The following HADH variants were observed in gnomAD, a reference collection of about 807,000 sequenced individuals.
The protein encoded by HADH is hydroxyacyl-CoA dehydrogenase, also known as hydroxyacyl-coenzyme A dehydrogenase, mitochondrial.
In HADH, 24 loss-of-function variants were observed where a neutral mutation model predicts 32.2. The observed-to-expected ratio is 0.75, with a 90% CI of 0.54 to 1.05. The LOEUF (loss-of-function observed/expected upper bound fraction) is 1.05, where lower values mean the gene tolerates loss of function less well. Among genes scored for constraint, HADH ranks in the 50% least tolerant of loss-of-function variants. The probability of loss-of-function intolerance (pLI) is 0.00; values close to 1 mark genes in which losing one functional copy is unlikely to be tolerated. For missense variants in HADH, 350 were observed against 397.1 expected (o/e 0.88, Z 1.01); for synonymous variants, 139 against 152.5 (o/e 0.91, Z 0.65).
chr4:108,009,022 A>T (rs952111998), intron 1 of HADH, among the ~76,000 whole-genome samples: 13 of 152,148 alleles, frequency 8.5e-5, no homozygotes, highest in Non-Finnish European at 1.6e-4. Flanking sequence ...TTACCCTAGG[A>T]TTCCTCCCTC....
intron 1 of HADH, among the ~76,000 whole-genome samples, chr4:107,999,122 T>C (rs1371019525): frequency 1.3e-5 from 2 of 152,242 alleles, no homozygotes; most frequent in Admixed American, 6.5e-5. Flanking sequence ...AGTGAGCTTA[T>C]GTGTCTGTGG....
intron 1 of HADH, among the ~76,000 whole-genome samples, chr4:108,007,129 CAG>C (rs1017690141): frequency 3.9e-5 from 6 of 152,082 alleles, no homozygotes; most frequent in Non-Finnish European, 5.9e-5. Flanking sequence ...GTTTTTGAGA[CAG>C]AGTCTCGCTC....
chr4:108,021,342 T>C (rs920378995), intron 4 of HADH, among the ~76,000 whole-genome samples: 1 of 152,250 alleles, frequency 6.6e-6, no homozygotes, highest in Non-Finnish European at 1.5e-5. Flanking sequence ...GTGTGTTGGT[T>C]GTTAACAGCT....
chr4:108,033,016 T>G lies in HADH; in HGVS notation c.710-160T>G, dbSNP rs1477060030. The G allele has an allele frequency of 1.4e-5, 10 of 706,770 alleles. No individual in the cohort carries two copies. The East Asian group carries it at 2.6e-4, about 18-fold the overall frequency. 43.8% of individuals were successfully genotyped at this position (706,770 alleles called of 1,614,324 possible). ...AAAGTCTTATGACCTCTTTGGCATGTACTTTAGAGAGGAAATCTTACCCAA... is the reference window on the plus strand; with the variant it reads ...AAAGTCTTATGACCTCTTTGGCATGGACTTTAGAGAGGAAATCTTACCCAA... On this transcript the variant is annotated intron_variant, in intron 6 of 7. Transcript: ENST00000309522.
chr4:107,991,035 C>T (rs1734777802), intron 1 of HADH, among the ~76,000 whole-genome samples: 1 of 152,192 alleles, frequency 6.6e-6, no homozygotes, highest in Non-Finnish European at 1.5e-5. Flanking sequence ...GCCACTGCAC[C>T]CAGCCGGAAC....
chr4:107,995,914 G>C (rs115853960), intron 1 of HADH, among the ~76,000 whole-genome samples: 2 of 152,138 alleles, frequency 1.3e-5, no homozygotes, highest in Non-Finnish European at 2.9e-5. Context: ...CCTGCTGGTC[G>C]TCTACATCAG....
chr4:107,997,490 A>G (rs1036129128), intron 1 of HADH, among the ~76,000 whole-genome samples: 2 of 151,924 alleles, frequency 1.3e-5, no homozygotes, highest in Non-Finnish European at 1.5e-5. Flanking sequence ...TGGCATGTTT[A>G]CTTGGTCCTG....
chr4:107,998,948 G>A (rs1293124966), intron 1 of HADH, among the ~76,000 whole-genome samples: 4 of 152,204 alleles, frequency 2.6e-5, no homozygotes, highest in Non-Finnish European at 5.9e-5. Flanking sequence ...CCGCCACACT[G>A]AATGATCTCT....
intron 2 of HADH, among the ~76,000 whole-genome samples, chr4:108,013,201 G>A (rs1578254011): frequency 6.6e-6 from 1 of 152,216 alleles, no homozygotes; most frequent in East Asian, 1.9e-4. Flanking sequence ...GAAGTGCTGG[G>A]ATTACAGGTG....
Position 108,032,779 on chromosome 4 carries a change from T to A in HADH, c.710-397T>A, listed in dbSNP as rs529748868. 426 of 327,572 alleles carry A rather than the reference T, an allele frequency of 1.3e-3. 11 individuals carry two copies. The highest frequency in any genetic ancestry group is 0.013 in the South Asian group (416 of 32,286). The allele number at this position is 327,572 out of a possible 1,614,324, so 20.3% of individuals were successfully genotyped here. Reference sequence around the variant, plus strand: ...GGGAGGATCACTTGAGGTTGGGAGTTTGAGCCCAGACTGGCCAAATGGTGA... The same window carrying A: ...GGGAGGATCACTTGAGGTTGGGAGTATGAGCCCAGACTGGCCAAATGGTGA... On this transcript the variant is annotated intron_variant, in intron 6 of 7. Transcript: ENST00000309522.
chr4:108,023,390 C>A, intron 4 of HADH, 84 bp from the exon 5 acceptor site: 1 of 819,038 alleles, frequency 1.2e-6, no homozygotes, highest in Non-Finnish European at 2.2e-6. Flanking sequence ...CTATATGGAG[C>A]CTTTTGATCA....
At chr4:108,001,530 G>C (rs1187465953) in intron 1 of HADH, among the ~76,000 whole-genome samples, 1 of 152,232 alleles carries the variant, frequency 6.6e-6, no homozygotes, top group Non-Finnish European at 1.5e-5. Flanking sequence ...ATTGACTTTA[G>C]CAATTTAGTA....
In HADH at chr4:107,990,024, C is replaced by A; in HGVS notation, c.92C>A (p.Thr31Lys). The A allele has an allele frequency of 1.2e-6, 2 of 1,611,680 alleles. No homozygotes were observed. Among genetic ancestry groups the A allele is most frequent in the African/African-American group, 1.3e-5 (1 of 75,010 alleles). Reference sequence around the variant, plus strand: ...AAGAAGATAATCGTCAAGCACGTGACGGTCATCGGCGGCGGGCTGATGGGC... The same window carrying A: ...AAGAAGATAATCGTCAAGCACGTGAAGGTCATCGGCGGCGGGCTGATGGGC... The part of the protein sequence containing the change: ...SAKKIIVKHV[T>K]VIGGGLMGAG... Residue 31 changes from threonine (T) to lysine (K), a missense_variant, in exon 1 of 8, where the codon ACG becomes AAG. By Grantham distance (78) the Thr-to-Lys change is moderately conservative (BLOSUM62 -1). Transcript: ENST00000309522.
chr4:108,023,595 G>A (rs1735965747), intron 5 of HADH, 32 bp downstream of exon 5: 1 of 1,216,040 alleles, frequency 8.2e-7, no homozygotes, highest in Non-Finnish European at 1.2e-6. Context: ...GAAGGAGGTA[G>A]TTCTTTTCTT....
At chr4:108,028,567 T>C in intron 6 of HADH, 1 of 305,104 alleles carries the variant, frequency 3.3e-6, no homozygotes, top group African/African-American at 2.1e-5. Context: ...TGAAAGCACA[T>C]TTGCTTCCTC....
rs1019901373 is a variant in HADH, at chr4:108,014,487, A to G, written c.318A>G (p.Ala106=). 1 of 1,613,936 alleles carries G rather than the reference A, an allele frequency of 6.2e-7. No homozygotes were observed. The highest frequency in any genetic ancestry group is 8.5e-7 in the Non-Finnish European group (1 of 1,179,780). The change falls in exon 3 of 8, where the codon GCA becomes GCG. Residue 106 remains alanine (A), a synonymous_variant. Transcript: ENST00000309522. ...TLSTIATSTD[A]ASVVHSTDLV... Reference sequence around the variant, plus strand: ...GCACCATAGCGACCAGCACGGATGCAGCCTCCGTTGTCCACAGCACAGACT... The same window carrying G: ...GCACCATAGCGACCAGCACGGATGCGGCCTCCGTTGTCCACAGCACAGACT...
At chr4:108,000,440 TATGAC>T (rs1348859833) in intron 1 of HADH, among the ~76,000 whole-genome samples, 1 of 152,236 alleles carries the variant, frequency 6.6e-6, no homozygotes, top group Non-Finnish European at 1.5e-5. Context: ...GTGAGATTCT[TATGAC>T]ATGAAATAGT....
chr4:108,019,357 A>T (rs566494743), intron 3 of HADH, among the ~76,000 whole-genome samples, 183 bp from the exon 4 acceptor site: 33 of 152,308 alleles, frequency 2.2e-4, no homozygotes, highest in African/African-American at 7.0e-4. Context: ...AAAAATTTTT[A>T]AAAAGCTGAA....
chr4:108,023,758 G>T, intron 5 of HADH, 195 bp downstream of exon 5: 1 of 602,416 alleles, frequency 1.7e-6, no homozygotes, highest in Non-Finnish European at 3.0e-6. Context: ...CCTAAGCCAT[G>T]CCTAAGGCCA....
Sources: gnomAD v4.1 joint callset for allele counts (sites outside exome capture counted in the v4.1 genomes callset) on GRCh38, gnomAD v4.1.1 for gene constraint, MANE v1.5 for transcripts, NCBI Gene and HGNC (gene_info 2026-07-23, HGNC 2026-07-21) for gene names.